MS4A5: variants seen among roughly 807,000 people sequenced by gnomAD.
MS4A5 encodes the protein membrane-spanning 4-domains subfamily A member 5.
In MS4A5, 15 loss-of-function variants were observed where a neutral mutation model predicts 18.2. That is an observed-to-expected ratio of 0.83 (90% CI 0.55 to 1.27). The LOEUF is 1.27. Ranked by LOEUF, MS4A5 falls within the 50% of genes most tolerant of loss-of-function variation. The pLI is 0.00. For synonymous variants in MS4A5, 89 were observed against 78.7 expected (o/e 1.13, Z -0.69); for missense variants, 232 against 225.7 (o/e 1.03, Z -0.18).
At chr11:60,446,597 G>A (rs1432245495) in intron 4 of MS4A5, among the ~76,000 whole-genome samples, 1 of 152,080 alleles carries the variant, frequency 6.6e-6, no homozygotes, top group Non-Finnish European at 1.5e-5. Context: ...GCCGGGTTTG[G>A]TGGTGGGCAC....
At chr11:60,443,199 T>G (rs898721744) in intron 4 of MS4A5, among the ~76,000 whole-genome samples, 2 of 152,066 alleles carry the variant, frequency 1.3e-5, no homozygotes, top group Admixed American at 1.3e-4. Flanking sequence ...CTGAAAAAAT[T>G]GACAGATTTC....
chr11:60,442,682 G>A (rs2086119640), intron 4 of MS4A5, among the ~76,000 whole-genome samples: 1 of 152,132 alleles, frequency 6.6e-6, no homozygotes, highest in South Asian at 2.1e-4. Flanking sequence ...ACAATATACT[G>A]TCATTAACTA....
At chr11:60,442,912 G>T (rs1381575820) in intron 4 of MS4A5, among the ~76,000 whole-genome samples, 1 of 152,178 alleles carries the variant, frequency 6.6e-6, no homozygotes, top group African/African-American at 2.4e-5. Context: ...AGGCCAAGGT[G>T]GGCAGATCAC....
At chr11:60,446,757 G>A (rs1163702848) in intron 4 of MS4A5, among the ~76,000 whole-genome samples, 1 of 150,364 alleles carries the variant, frequency 6.7e-6, no homozygotes, top group African/African-American at 2.4e-5. Flanking sequence ...AGACAAAAAA[G>A]AAACCAAAAA....
intron 4 of MS4A5, among the ~76,000 whole-genome samples, chr11:60,444,564 C>A (rs561919536): frequency 6.6e-6 from 1 of 152,130 alleles, no homozygotes; most frequent in South Asian, 2.1e-4. Context: ...TTAAGCACTC[C>A]TGAAAATCAA....
At chr11:60,442,975 T>C (rs1417437739) in intron 4 of MS4A5, among the ~76,000 whole-genome samples, 1 of 152,150 alleles carries the variant, frequency 6.6e-6, no homozygotes, top group Non-Finnish European at 1.5e-5. Flanking sequence ...ACACCATCTC[T>C]ACTAAAAATA....
At chr11:60,447,087 C>CT (rs2086142710) in intron 4 of MS4A5, among the ~76,000 whole-genome samples, 1 of 146,558 alleles carries the variant, frequency 6.8e-6, no homozygotes, top group South Asian at 2.1e-4. Flanking sequence ...CTATGCTATG[C>CT]TAGCTATGCT....
intron 4 of MS4A5, among the ~76,000 whole-genome samples, chr11:60,446,777 C>T (rs965092041): frequency 4.0e-5 from 6 of 151,482 alleles, no homozygotes; most frequent in Non-Finnish European, 7.4e-5. Context: ...AAACGGTGAA[C>T]TACTAGCGTA....
chr11:60,438,528 A>T (rs2135175822), intron 4 of MS4A5, among the ~76,000 whole-genome samples: 1 of 152,256 alleles, frequency 6.6e-6, no homozygotes, highest in East Asian at 1.9e-4. Context: ...GACTGCTAGC[A>T]AGACTAATAA....
chr11:60,447,771 A>G lies in MS4A5; in HGVS notation c.*12A>G, dbSNP rs2135182868. 2 of 1,453,366 alleles carry G rather than the reference A, an allele frequency of 1.4e-6. No individual in the cohort carries two copies. The highest frequency in any genetic ancestry group is 1.9e-6 in the Non-Finnish European group (2 of 1,050,218). The allele number at this position is 1,453,366 out of a possible 1,614,324, so 90.0% of individuals were successfully genotyped here. ...AACAATGTTGTTGACTAGCACTGTG[A>G]GAATAAAGATGTGTTAAAATATTAT... On this transcript the variant is annotated 3_prime_UTR_variant, in exon 5 of 5. Transcript: ENST00000300190.
chr11:60,434,195 G>T (rs1483038251), intron 4 of MS4A5, among the ~76,000 whole-genome samples: 1 of 151,946 alleles, frequency 6.6e-6, no homozygotes. Flanking sequence ...AAAAAAAAAG[G>T]TACAGCAGTA....
intron 4 of MS4A5, among the ~76,000 whole-genome samples, chr11:60,434,975 C>T (rs1390820268): frequency 2.0e-5 from 3 of 152,136 alleles, no homozygotes; most frequent in Admixed American, 2.0e-4. Context: ...ACGTACCCTG[C>T]CCCAAAATAG....
At chr11:60,437,571 G>GT (rs2086087577) in intron 4 of MS4A5, among the ~76,000 whole-genome samples, 1 of 152,068 alleles carries the variant, frequency 6.6e-6, no homozygotes, top group Non-Finnish European at 1.5e-5. Flanking sequence ...TAAAAGGATG[G>GT]AGGAAGTTCT....
intron 4 of MS4A5, among the ~76,000 whole-genome samples, chr11:60,436,277 A>C (rs2086080162): frequency 6.8e-6 from 1 of 147,924 alleles, no homozygotes; most frequent in Non-Finnish European, 1.5e-5. Flanking sequence ...CCATCTGTAC[A>C]TCACCATCAT....
chr11:60,440,086 C>G (rs1390374287), intron 4 of MS4A5, among the ~76,000 whole-genome samples: 1 of 131,836 alleles, frequency 7.6e-6, no homozygotes, highest in Non-Finnish European at 1.7e-5. Context: ...AGATATAGAT[C>G]AATGGAACAG....
At position 60,433,778 on chromosome 11, in the gene MS4A5, G is replaced by A. The variant is rs374217276; in HGVS notation, c.353G>A (p.Arg118Gln). The A allele has an allele frequency of 1.0e-4, 166 of 1,613,574 alleles. No individual in the cohort carries two copies. The highest frequency in any genetic ancestry group is 1.2e-4 in the Non-Finnish European group (147 of 1,179,716). ...ATTCTATTTCAGATAATATTGAGCCGAATAATGAATTTTCTTAGTGCCCTG... is the reference window on the plus strand; with the variant it reads ...ATTCTATTTCAGATAATATTGAGCCAAATAATGAATTTTCTTAGTGCCCTG... ...KTTETLIILS[R>Q]IMNFLSALGA... The change falls in exon 4 of 5, where the codon CGA becomes CAA. Residue 118 changes from arginine to glutamine, a missense_variant. Arg to Gln is a conservative substitution (Grantham distance 43). Coordinates refer to ENST00000300190, the MANE Select transcript of MS4A5 (RefSeq NM_023945.3).
chr11:60,435,709 C>T (rs1291584705), intron 4 of MS4A5, among the ~76,000 whole-genome samples: 11 of 152,196 alleles, frequency 7.2e-5, no homozygotes, highest in African/African-American at 1.2e-4. Context: ...CACCCGAATA[C>T]TGCGCTTTTC....
At chr11:60,433,596 G>C (rs2086062998) in intron 3 of MS4A5, among the ~76,000 whole-genome samples, 169 bp from the exon 4 acceptor site, 1 of 147,308 alleles carries the variant, frequency 6.8e-6, no homozygotes, top group African/African-American at 2.5e-5. Context: ...TTGTGTAGAT[G>C]AAGGCCTGAA....
At chr11:60,438,620 C>A (rs1013216165) in intron 4 of MS4A5, among the ~76,000 whole-genome samples, 1 of 152,066 alleles carries the variant, frequency 6.6e-6, no homozygotes, top group Non-Finnish European at 1.5e-5. Flanking sequence ...GAAATACAAA[C>A]GACCATCAGA....
Sources: allele counts gnomAD v4.1 joint callset (sites outside exome capture counted in the v4.1 genomes callset), GRCh38; gene constraint gnomAD v4.1.1; transcripts MANE v1.5; gene names NCBI Gene and HGNC (gene_info 2026-07-23, HGNC 2026-07-21).